FGF14: variants seen among roughly 807,000 people sequenced by gnomAD.
The protein encoded by FGF14 is fibroblast growth factor 14, also known as fibroblast growth factor homologous factor 4.
A neutral mutation model predicts 25.5 loss-of-function variants in FGF14; 5 were observed. The ratio of observed to expected loss-of-function variants is 0.20; its 90% CI spans 0.10 to 0.41. The LOEUF (loss-of-function observed/expected upper bound fraction) is 0.41. Ranked by LOEUF, FGF14 falls within the 10% of genes least tolerant of loss-of-function variation. The pLI, the probability that FGF14 is intolerant of heterozygous loss-of-function variation, is 1.00. For missense variants in FGF14, 222 were observed against 320.1 expected (o/e 0.69, Z 2.34); for synonymous variants, 138 against 118.3 (o/e 1.17, Z -1.08).
intron 1 of FGF14, among the ~76,000 whole-genome samples, chr13:102,129,782 C>G (rs968465222): frequency 3.3e-5 from 5 of 151,982 alleles, no homozygotes; most frequent in Admixed American, 6.6e-5. Context: ...CACATGTATA[C>G]ATATGTAACA....
At chr13:101,948,470 A>ATATATAT (rs1555325762) in intron 1 of FGF14, among the ~76,000 whole-genome samples, 3 of 146,044 alleles carry the variant, frequency 2.1e-5, no homozygotes, top group Admixed American at 6.8e-5. Context: ...ATAATAAAAA[A>ATATATAT]ATATATATAT....
intron 3 of FGF14, among the ~76,000 whole-genome samples, chr13:101,774,621 C>G (rs2139991600): frequency 6.6e-6 from 1 of 152,238 alleles, no homozygotes; most frequent in Non-Finnish European, 1.5e-5. Context: ...AATGTTTAAA[C>G]AGCAGTGAAT....
chr13:102,312,569 C>T (rs550900648), intron 1 of FGF14, among the ~76,000 whole-genome samples: 1 of 152,306 alleles, frequency 6.6e-6, no homozygotes, highest in South Asian at 2.1e-4. Flanking sequence ...CCCACAAACA[C>T]TTATGAATGG....
chr13:102,013,983 G>A (rs1290657456), intron 1 of FGF14, among the ~76,000 whole-genome samples: 1 of 152,026 alleles, frequency 6.6e-6, no homozygotes, highest in South Asian at 2.1e-4. Flanking sequence ...TATATGTCAG[G>A]TACTTTTAAT....
intron 1 of FGF14, among the ~76,000 whole-genome samples, chr13:101,909,494 CTCA>C (rs1261856033): frequency 1.3e-5 from 2 of 152,164 alleles, no homozygotes; most frequent in African/African-American, 2.4e-5. Flanking sequence ...TGAAAAAATG[CTCA>C]TCATCACTGG....
intron 3 of FGF14, among the ~76,000 whole-genome samples, chr13:101,730,388 A>G (rs2035728854): frequency 6.6e-6 from 1 of 152,220 alleles, no homozygotes; most frequent in Non-Finnish European, 1.5e-5. Flanking sequence ...AAATAATATC[A>G]GGATTATGAC....
At chr13:101,742,142 T>C (rs1312475909) in intron 3 of FGF14, among the ~76,000 whole-genome samples, 1 of 152,160 alleles carries the variant, frequency 6.6e-6, no homozygotes, top group African/African-American at 2.4e-5. Flanking sequence ...ATGTGGTGTT[T>C]GGTTTTCTCT....
intron 1 of FGF14, among the ~76,000 whole-genome samples, chr13:101,994,791 C>G (rs1055114657): frequency 1.3e-5 from 2 of 151,892 alleles, no homozygotes; most frequent in Admixed American, 6.6e-5. Context: ...AAATCTAAGC[C>G]CCCGAGTTAA....
At chr13:101,960,804 C>T (rs2036805823) in intron 1 of FGF14, among the ~76,000 whole-genome samples, 1 of 152,180 alleles carries the variant, frequency 6.6e-6, no homozygotes, top group Non-Finnish European at 1.5e-5. Context: ...TGTACATTCC[C>T]ACCAACAGGG....
intron 1 of FGF14, among the ~76,000 whole-genome samples, chr13:102,171,341 T>C (rs935443056): frequency 2.6e-5 from 4 of 152,182 alleles, no homozygotes; most frequent in African/African-American, 4.8e-5. Flanking sequence ...ATTCAGGAAA[T>C]AGATTTCATA....
intron 3 of FGF14, among the ~76,000 whole-genome samples, chr13:101,782,332 C>T (rs912329044): frequency 2.0e-5 from 3 of 152,184 alleles, no homozygotes; most frequent in Non-Finnish European, 4.4e-5. Flanking sequence ...TATTTCAAAT[C>T]CATGTGCATT....
chr13:101,940,773 T>C (rs1356179368), intron 1 of FGF14, among the ~76,000 whole-genome samples: 1 of 152,230 alleles, frequency 6.6e-6, no homozygotes, highest in Non-Finnish European at 1.5e-5. Flanking sequence ...GTAAATTCCA[T>C]GAGATCAGGG....
intron 1 of FGF14, among the ~76,000 whole-genome samples, chr13:102,042,014 C>T (rs998394974): frequency 3.9e-5 from 6 of 152,156 alleles, no homozygotes; most frequent in South Asian, 4.1e-4. Flanking sequence ...TCCAACACAA[C>T]AAAATGTTTG....
Position 102,224,356 on chromosome 13 carries a change from T to C in FGF14, c.208+177115A>G, listed in dbSNP as rs143349850. Among the ~76,000 whole-genome samples, 958 of 152,246 alleles carry C rather than the reference T, an allele frequency of 6.3e-3. 7 individuals carry two copies. The highest frequency in any genetic ancestry group is 0.017 in the Middle Eastern group (5 of 294). On this transcript the variant is annotated intron_variant, in intron 1 of 4. Coordinates refer to the FGF14 transcript ENST00000376131. Reference sequence around the variant, plus strand: ...TGTCATTTCAGTATCAGATCTGTGGTGGAGAAGTGATCTTTTCCTAAGAAA... The same window carrying C: ...TGTCATTTCAGTATCAGATCTGTGGCGGAGAAGTGATCTTTTCCTAAGAAA...
chr13:101,975,379 C>T (rs1453872879), intron 1 of FGF14, among the ~76,000 whole-genome samples: 1 of 152,264 alleles, frequency 6.6e-6, no homozygotes, highest in East Asian at 1.9e-4. Flanking sequence ...CCTGACCCCC[C>T]ACCATGAACA....
chr13:102,379,686 C>T (rs1223115269), intron 1 of FGF14, among the ~76,000 whole-genome samples: 1 of 152,050 alleles, frequency 6.6e-6, no homozygotes, highest in Non-Finnish European at 1.5e-5. Context: ...AACAAGTCTA[C>T]CTCTTCTAAA....
chr13:101,924,685 A>G (rs2034245716), intron 1 of FGF14, among the ~76,000 whole-genome samples: 1 of 152,232 alleles, frequency 6.6e-6, no homozygotes, highest in Non-Finnish European at 1.5e-5. Flanking sequence ...AAAAGCTTTT[A>G]GTTCTAGTGA....
At chr13:102,135,017 CCA>C (rs71125050) in intron 1 of FGF14, among the ~76,000 whole-genome samples, 39,431 of 142,270 alleles carry the variant, frequency 0.28, 5,255 homozygotes, top group Middle Eastern at 0.32. Flanking sequence ...GACCCCGTGT[CCA>C]CACACACACA....
chr13:101,908,476 T>C (rs1425788622), intron 1 of FGF14, among the ~76,000 whole-genome samples: 3 of 152,166 alleles, frequency 2.0e-5, no homozygotes, highest in Non-Finnish European at 4.4e-5. Flanking sequence ...GAAGATTAAA[T>C]AGTACTCAAT....
Sources: gnomAD v4.1 joint callset for allele counts (sites outside exome capture counted in the v4.1 genomes callset) on GRCh38, gnomAD v4.1.1 for gene constraint, MANE v1.5 for transcripts, NCBI Gene and HGNC (gene_info 2026-07-23, HGNC 2026-07-21) for gene names.